Variants in FNIP1 observed in about 807,000 individuals in gnomAD.
FNIP1 encodes folliculin-interacting protein 1.
A neutral mutation model predicts 124.5 loss-of-function variants in FNIP1; 40 were observed. That is an observed-to-expected ratio of 0.32 (90% CI 0.25 to 0.42). FNIP1 has a LOEUF of 0.42. Ranked by LOEUF, FNIP1 falls within the 10% of genes least tolerant of loss-of-function variation. FNIP1 has a pLI of 1.00. For missense variants in FNIP1, 1,176 were observed against 1,403.7 expected, an observed-to-expected ratio of 0.84 and a Z score of 2.59; for synonymous variants, 472 against 470.6, an observed-to-expected ratio of 1.00 and a Z score of -0.04.
chr5:131,779,093 A>G (rs1219912366), intron 1 of FNIP1, among the ~76,000 whole-genome samples: 2 of 146,520 alleles, frequency 1.4e-5, no homozygotes, highest in Non-Finnish European at 3.0e-5. Context: ...ACATGTATAC[A>G]TATGTAACTA....
At chr5:131,699,129 T>G (rs374170785) in intron 10 of FNIP1, 127 bp from the exon 11 acceptor site, 9 of 580,774 alleles carry the variant, frequency 1.5e-5, no homozygotes, top group African/African-American at 9.7e-5. Context: ...GAGAAAGAAA[T>G]AAAGAAAGTA....
intron 9 of FNIP1, among the ~76,000 whole-genome samples, chr5:131,705,303 TA>T (rs947410238): frequency 2.1e-5 from 3 of 145,182 alleles, no homozygotes; most frequent in South Asian, 2.2e-4. Context: ...ACCCCATCTC[TA>T]AAAAAAAAGA....
At chr5:131,725,390 T>C (rs1769826850) in intron 3 of FNIP1, among the ~76,000 whole-genome samples, 1 of 152,220 alleles carries the variant, frequency 6.6e-6, no homozygotes, top group South Asian at 2.1e-4. Flanking sequence ...CAGTGGTTTG[T>C]AGTTCTCCTT....
chr5:131,705,461 A>AG (rs1412919524), intron 9 of FNIP1, among the ~76,000 whole-genome samples: 3 of 152,040 alleles, frequency 2.0e-5, no homozygotes, highest in Non-Finnish European at 4.4e-5. Context: ...GCGACTCAAA[A>AG]GGGAAAGAAA....
chr5:131,700,512 C>T (rs199749611), intron 10 of FNIP1, among the ~76,000 whole-genome samples: 2 of 152,114 alleles, frequency 1.3e-5, no homozygotes, highest in Non-Finnish European at 2.9e-5. Context: ...TGTTCCTGTA[C>T]ACCCAAAAGC....
chr5:131,757,357 T>C (rs551900475), intron 1 of FNIP1, among the ~76,000 whole-genome samples: 1 of 152,168 alleles, frequency 6.6e-6, no homozygotes, highest in Non-Finnish European at 1.5e-5. Context: ...CTGCACAAAG[T>C]GATCTGGAAA....
chr5:131,685,919 C>T (rs1768259761), intron 11 of FNIP1, among the ~76,000 whole-genome samples: 1 of 152,012 alleles, frequency 6.6e-6, no homozygotes, highest in South Asian at 2.1e-4. Context: ...GTAGAGAAAC[C>T]ACTCTAGTTG....
chr5:131,785,126 T>C (rs1580838566), intron 1 of FNIP1, among the ~76,000 whole-genome samples: 1 of 22,256 alleles, frequency 4.5e-5, no homozygotes, highest in South Asian at 1.2e-3. Context: ...ATATATGATA[T>C]ATATGACTAT....
At chr5:131,649,796 C>T (rs972728881) in intron 16 of FNIP1, among the ~76,000 whole-genome samples, 3 of 152,102 alleles carry the variant, frequency 2.0e-5, no homozygotes, top group African/African-American at 7.2e-5. Flanking sequence ...ATCTTTGATC[C>T]ATTTGGAGTT....
At chr5:131,737,479 A>G (rs188819294) in intron 2 of FNIP1, among the ~76,000 whole-genome samples, 1 of 152,260 alleles carries the variant, frequency 6.6e-6, no homozygotes, top group African/African-American at 2.4e-5. Context: ...ATGTCTTTCC[A>G]GCTCTCTCAA....
chr5:131,761,704 C>A (rs1771236555), intron 1 of FNIP1, among the ~76,000 whole-genome samples: 1 of 151,554 alleles, frequency 6.6e-6, no homozygotes, highest in Admixed American at 6.6e-5. Flanking sequence ...TCTGCAGATT[C>A]AATGCAATCC....
intron 1 of FNIP1, among the ~76,000 whole-genome samples, chr5:131,781,168 T>TC (rs1310663742): frequency 6.6e-6 from 1 of 152,210 alleles, no homozygotes; most frequent in Non-Finnish European, 1.5e-5. Context: ...CTCTCTCAAC[T>TC]CTATGAAGTC....
chr5:131,739,265 G>A (rs1457227640), intron 2 of FNIP1, among the ~76,000 whole-genome samples: 2 of 152,110 alleles, frequency 1.3e-5, no homozygotes, highest in African/African-American at 2.4e-5. Flanking sequence ...AATTAAGGCT[G>A]GGCACAGTGA....
intron 1 of FNIP1, among the ~76,000 whole-genome samples, chr5:131,752,805 C>T (rs750232602): frequency 4.6e-5 from 7 of 152,122 alleles, no homozygotes; most frequent in South Asian, 2.1e-4. Flanking sequence ...CGGTGGCTCA[C>T]GCCTGTAATC....
chr5:131,731,469 C>A (rs1452759232), intron 2 of FNIP1, among the ~76,000 whole-genome samples: 1 of 152,030 alleles, frequency 6.6e-6, no homozygotes, highest in East Asian at 1.9e-4. Context: ...GCCCGACCAA[C>A]AGGGAGAAAC....
In FNIP1 at chr5:131,646,264, T is replaced by G. The variant is rs538735744; in HGVS notation, c.3422+826A>C. On this transcript the variant is annotated intron_variant, in intron 17 of 17. Transcript: ENST00000510461. ...ATATAGAGTCATTCAAATCCCTAATTAGTCCTACCAGTGTGTGACATCTGG... is the reference window on the plus strand; with the variant it reads ...ATATAGAGTCATTCAAATCCCTAATGAGTCCTACCAGTGTGTGACATCTGG... 4.6e-5 allele frequency among the ~76,000 whole-genome samples: 7 copies of G among 152,310 alleles called. No homozygotes were observed. In the South Asian group the frequency reaches 1.4e-3, roughly 32 times the overall value.
intron 1 of FNIP1, among the ~76,000 whole-genome samples, chr5:131,778,734 T>C (rs1295803515): frequency 3.8e-5 from 4 of 105,856 alleles, no homozygotes; most frequent in African/African-American, 1.5e-4. Flanking sequence ...TAGCAAAGAC[T>C]TGGAACCAAC....
Position 131,706,545 on chromosome 5 carries a change from T to G in FNIP1, c.780A>C (p.Ala260=), listed in dbSNP as rs1404594209. ...EDRDSGIARS[A]SLSSLLITPF... ...GAGTGATCAGCAAGCTGCTGAGAGA[T>G]GCTGTTAAGTCAGAAGAACAACAAG... The change falls in exon 9 of 18, where the codon GCA becomes GCC. Residue 260 remains alanine (A), a splice_region_variant and synonymous_variant. Coordinates refer to ENST00000510461, the MANE Select transcript of FNIP1 (RefSeq NM_133372.3). The G allele has an allele frequency of 2.5e-6, 4 of 1,583,382 alleles. No individual in the cohort carries two copies. The African/African-American group carries it at 5.4e-5, about 21-fold the overall frequency.
intron 10 of FNIP1, among the ~76,000 whole-genome samples, chr5:131,700,962 A>G (rs1768881073): frequency 6.6e-6 from 1 of 152,214 alleles, no homozygotes; most frequent in Admixed American, 6.5e-5. Flanking sequence ...CCAAACAACT[A>G]TAAGCATTAA....
Sources: gnomAD v4.1 joint callset for allele counts (sites outside exome capture counted in the v4.1 genomes callset) on GRCh38, gnomAD v4.1.1 for gene constraint, MANE v1.5 for transcripts, NCBI Gene and HGNC (gene_info 2026-07-23, HGNC 2026-07-21) for gene names.